Variants in CLN3 observed in about 807,000 individuals in gnomAD.
CLN3 encodes battenin.
A neutral mutation model predicts 60.7 loss-of-function variants in CLN3; 49 were observed. The observed-to-expected ratio is 0.81, with a 90% CI of 0.64 to 1.02. The LOEUF (loss-of-function observed/expected upper bound fraction) is 1.02, where lower values mean the gene tolerates loss of function less well. Ranked by LOEUF, CLN3 falls within the 50% of genes least tolerant of loss-of-function variation. The pLI is 0.00. For missense variants in CLN3, 516 were observed against 557.4 expected, an observed-to-expected ratio of 0.93 and a Z score of 0.75; for synonymous variants, 256 against 245.8, an observed-to-expected ratio of 1.04 and a Z score of -0.39.
intron 3 of CLN3, 85 bp from the exon 4 acceptor site, chr16:28,489,471 C>A (rs1485537713): frequency 2.4e-5 from 22 of 916,614 alleles, no homozygotes; most frequent in Non-Finnish European, 2.8e-5. Flanking sequence ...TTACCTGTGC[C>A]CTTCAATCAG....
At chr16:28,490,049 C>T (rs1221275137) in intron 3 of CLN3, among the ~76,000 whole-genome samples, 1 of 129,290 alleles carries the variant, frequency 7.7e-6, no homozygotes, top group African/African-American at 2.9e-5. Flanking sequence ...AAGAGCGAGA[C>T]TCTATCTCAA....
intron 9 of CLN3, among the ~76,000 whole-genome samples, chr16:28,486,089 C>T (rs770494313): frequency 2.6e-5 from 4 of 151,902 alleles, no homozygotes; most frequent in East Asian, 1.9e-4. Flanking sequence ...CCACTGCCTC[C>T]GGGGTTCAAG....
At chr16:28,474,546 G>C (rs1382793449), downstream of CLN3, among the ~76,000 whole-genome samples, 1 of 152,152 alleles carries the variant, frequency 6.6e-6, no homozygotes, top group African/African-American at 2.4e-5. Context: ...ATGGAAAAGA[G>C]CAAGTATTGG....
downstream of CLN3, among the ~76,000 whole-genome samples, chr16:28,473,568 A>G (rs1469789151): frequency 6.6e-6 from 1 of 152,216 alleles, no homozygotes; most frequent in Non-Finnish European, 1.5e-5. Flanking sequence ...GCAACCAAAC[A>G]AAAAATAGAT....
Position 28,477,513 on chromosome 16 carries a change from G to T in CLN3, c.*3C>A, listed in dbSNP as rs116985567. The stretch of plus-strand genomic sequence containing the variant: ...GTGACCTGCGTCCTGAGGATCCCGA[G>T]TATCAGGAGAGCTGGCAGAGGAAGT... On this transcript the variant is annotated 3_prime_UTR_variant, in exon 16 of 16. Transcript: ENST00000636147. The T allele has an allele frequency of 3.1e-6, 5 of 1,613,084 alleles. No individual in the cohort carries two copies. In the East Asian group the frequency reaches 1.1e-4, roughly 36 times the overall value.
Position 28,486,564 on chromosome 16 carries a change from C to A in CLN3, c.533+14G>T, listed in dbSNP as rs938499869. The A allele has an allele frequency of 6.2e-7, 1 of 1,609,450 alleles. No homozygotes were observed. Among genetic ancestry groups the A allele is most frequent in the East Asian group, 2.2e-5 (1 of 44,664 alleles). ...GGACAGCCTCTCCCCACACTCCCTG[C>A]TCCACCTGCTTACCTGGGGTAGAAG... On this transcript the variant is annotated intron_variant, in intron 8 of 15. Coordinates refer to ENST00000636147, the MANE Select transcript of CLN3 (RefSeq NM_001042432.2).
rs1064795226 is a variant in CLN3, at chr16:28,482,534, C to G, written c.849G>C (p.Trp283Cys). The G allele has an allele frequency of 1.2e-6, 2 of 1,614,050 alleles. No individual in the cohort carries two copies. The highest frequency in any genetic ancestry group is 1.7e-6 in the Non-Finnish European group (2 of 1,180,038). Residue 283 changes from tryptophan to cysteine, a missense_variant, in exon 12 of 16, where the codon TGG (tryptophan) becomes TGC (cysteine). Transcript: ENST00000636147. ...ERWTVFKGLL[W>C]YIVPLVVVYF... Reference sequence around the variant, plus strand: ...AAACTACGACCAAGGGAACAATGTACCACAGCAGACCCTGGAAAAGGCAGA... The same window carrying G: ...AAACTACGACCAAGGGAACAATGTAGCACAGCAGACCCTGGAAAAGGCAGA...
chr16:28,491,586 C>A lies in CLN3; in HGVS notation c.47-26G>T, dbSNP rs759788903. 17 of 1,613,598 alleles carry A rather than the reference C, an allele frequency of 1.1e-5. No homozygotes were observed. In the East Asian group the frequency reaches 2.7e-4, roughly 25 times the overall value. ...CTGGGAGAGCGAGAAGAGGGCATGA[C>A]CCCCACCTACTCTCAGGTGCACGAC... On this transcript the variant is annotated intron_variant, in intron 2 of 15. Transcript: ENST00000636147.
At chr16:28,468,519 AC>A in the CLN3 span, among the ~76,000 whole-genome samples, 1 of 147,044 alleles carries the variant, frequency 6.8e-6, no homozygotes, top group Admixed American at 6.8e-5. Flanking sequence ...TTAAAAATTA[AC>A]AAGGTGGGCC....
downstream of CLN3, among the ~76,000 whole-genome samples, chr16:28,472,003 C>G (rs140008554): frequency 7.2e-5 from 11 of 152,188 alleles, no homozygotes; most frequent in East Asian, 1.7e-3. Context: ...GCACTCCAGT[C>G]TGAGCAACAG....
chr16:28,484,701 G>A (rs2046175147), intron 9 of CLN3: 1 of 162,162 alleles, frequency 6.2e-6, no homozygotes, highest in Non-Finnish European at 1.4e-5. Flanking sequence ...TCTGTTTTCT[G>A]GCCATTATTA....
Position 28,491,732 on chromosome 16 carries a change from G to A in CLN3, c.28C>T (p.Arg10Cys). MGGCAGSRR[R>C]FSDSEGEETV... The stretch of plus-strand genomic sequence containing the variant: ...TACTCACCCTCGGAATCCGAAAAGC[G>A]CCGCCGCGAGCCTGCACAGCCTCCC... The change falls in exon 2 of 16, where the codon CGC (arginine) becomes TGC (cysteine). Residue 10 changes from arginine (R) to cysteine (C), a missense_variant. Coordinates refer to ENST00000636147, the MANE Select transcript of CLN3 (RefSeq NM_001042432.2). The A allele has an allele frequency of 6.2e-7, 1 of 1,613,752 alleles. No individual in the cohort carries two copies. Among genetic ancestry groups the A allele is most frequent in the South Asian group, 1.1e-5 (1 of 91,070 alleles).
At chr16:28,473,762 A>G (rs1253822820), downstream of CLN3, among the ~76,000 whole-genome samples, 1 of 152,208 alleles carries the variant, frequency 6.6e-6, no homozygotes, top group African/African-American at 2.4e-5. Context: ...CTTTAATAAA[A>G]AAAGACAATC....
At chr16:28,474,564 G>A (rs970712894), downstream of CLN3, among the ~76,000 whole-genome samples, 26 of 152,280 alleles carry the variant, frequency 1.7e-4, no homozygotes, top group East Asian at 1.3e-3. Flanking sequence ...TGGTGGGGAC[G>A]TGGAGTCCTC....
chr16:28,491,522 C>T lies in CLN3; in HGVS notation c.85G>A (p.Asp29Asn), dbSNP rs1211763551. 1.2e-6 allele frequency: 2 copies of T among 1,614,044 alleles called. No individual in the cohort carries two copies. The highest frequency in any genetic ancestry group is 2.2e-5 in the South Asian group (2 of 91,076). The change falls in exon 3 of 16, where the codon GAC (aspartate) becomes AAC (asparagine). Residue 29 changes from aspartate (D) to asparagine (N), a missense_variant. Physicochemically the swap from Asp to Asn is conservative, Grantham distance 23 (BLOSUM62 1). Coordinates refer to ENST00000636147, the MANE Select transcript of CLN3 (RefSeq NM_001042432.2). ...TTCTTCCAATGCGCGCCCTGATGGTCCAACAGAGGGAGCCGGGGCTCCGGG... is the reference window on the plus strand; with the variant it reads ...TTCTTCCAATGCGCGCCCTGATGGTTCAACAGAGGGAGCCGGGGCTCCGGG... Reference protein sequence around the residue: ...TVPEPRLPLLDHQGAHWKNAV... With the variant: ...TVPEPRLPLLNHQGAHWKNAV...
rs2046262190 is a variant in CLN3, at chr16:28,488,624, T to C, written c.261A>G (p.Ser87=). Residue 87 remains serine, a synonymous_variant, in exon 5 of 16, where the codon TCA becomes TCG. Coordinates refer to ENST00000636147, the MANE Select transcript of CLN3 (RefSeq NM_001042432.2). ...AGACAGAGTTGCAGTCAAATCGTGA[T>C]GAGCTGTTGTGGGGGATCGGCGTTG... The part of the protein sequence containing the change: ...PGPTPIPHNS[S]SRFDCNSVST... 1.9e-6 allele frequency: 3 copies of C among 1,612,900 alleles called. No individual in the cohort carries two copies. The highest frequency in any genetic ancestry group is 2.5e-6 in the Non-Finnish European group (3 of 1,179,000).
At chr16:28,476,106 C>T (rs2045992615), downstream of CLN3, 1 of 152,012 alleles carries the variant, frequency 6.6e-6, no homozygotes, top group South Asian at 2.1e-4. Flanking sequence ...AGGCTGGTCT[C>T]AAACTCCTGA....
At chr16:28,478,473 G>A (rs935858297) in intron 14 of CLN3, among the ~76,000 whole-genome samples, 4 of 151,400 alleles carry the variant, frequency 2.6e-5, no homozygotes, top group Non-Finnish European at 5.9e-5. Flanking sequence ...AAAATTAGTT[G>A]AGCATGGTGG....
chr16:28,482,930 C>T (rs2046127325), intron 10 of CLN3, among the ~76,000 whole-genome samples: 1 of 151,822 alleles, frequency 6.6e-6, no homozygotes, highest in African/African-American at 2.4e-5. Flanking sequence ...ATGGAGAAAC[C>T]CCATCTCTAC....
Sources: gnomAD v4.1 joint callset for allele counts (sites outside exome capture counted in the v4.1 genomes callset) on GRCh38, gnomAD v4.1.1 for gene constraint, MANE v1.5 for transcripts, NCBI Gene and HGNC (gene_info 2026-07-23, HGNC 2026-07-21) for gene names.